The following DRC5 variants were observed in gnomAD, a reference collection of about 807,000 sequenced individuals.
DRC5 encodes the protein dynein regulatory complex subunit 5.
the DRC5 span, chr6:44,282,139 T>C: frequency 1.2e-6 from 2 of 1,614,064 alleles, no homozygotes; most frequent in African/African-American, 2.7e-5. Flanking sequence ...GACAGGTTGA[T>C]GCTGGTGAGT....
chr6:44,291,863 C>T, the DRC5 span, among the ~76,000 whole-genome samples: 3 of 152,280 alleles, frequency 2.0e-5, no homozygotes, highest in South Asian at 6.2e-4. Flanking sequence ...CATCCAGATG[C>T]CGGCACCAGA....
chr6:44,287,757 A>C, the DRC5 span: 4 of 1,614,000 alleles, frequency 2.5e-6, no homozygotes, highest in Admixed American at 5.0e-5. Flanking sequence ...CAGTGGAGGA[A>C]TTGTCCTGGG....
At chr6:44,286,720 T>C in the DRC5 span, among the ~76,000 whole-genome samples, 81 of 152,264 alleles carry the variant, frequency 5.3e-4, 1 homozygote, top group East Asian at 0.014. Flanking sequence ...CTTTGGGATG[T>C]TCCCTGCCTG....
At chr6:44,286,961 T>C in the DRC5 span, among the ~76,000 whole-genome samples, 3 of 152,326 alleles carry the variant, frequency 2.0e-5, no homozygotes, top group Admixed American at 6.5e-5. Flanking sequence ...GTGCTGGAGA[T>C]AGAAGAGTAA....
chr6:44,283,775 T>C, the DRC5 span, among the ~76,000 whole-genome samples: 1 of 152,260 alleles, frequency 6.6e-6, no homozygotes, highest in African/African-American at 2.4e-5. Context: ...TATATTTCTC[T>C]GGCCAAAATA....
chr6:44,287,114 G>A, the DRC5 span: 1 of 850,224 alleles, frequency 1.2e-6, no homozygotes, highest in South Asian at 5.4e-5. Flanking sequence ...CATCTGGTAG[G>A]AGAGGCTGGC....
At chr6:44,280,407 A>C in the DRC5 span, 2 of 1,596,872 alleles carry the variant, frequency 1.3e-6, no homozygotes, top group Admixed American at 3.4e-5. Context: ...GAAGGGTGCA[A>C]AGGAAGGGGT....
chr6:44,284,794 G>A, the DRC5 span, among the ~76,000 whole-genome samples: 7 of 152,216 alleles, frequency 4.6e-5, no homozygotes, highest in East Asian at 1.4e-3. Context: ...CACTACCCTC[G>A]CTGAAATGAC....
the DRC5 span, chr6:44,287,151 T>C: frequency 1.0e-6 from 1 of 976,214 alleles, no homozygotes. Context: ...GGATCAATAT[T>C]ACAGAGCACA....
the DRC5 span, chr6:44,285,866 A>G: frequency 8.5e-7 from 1 of 1,173,428 alleles, no homozygotes; most frequent in East Asian, 2.4e-5. Flanking sequence ...AAAGAGAAGG[A>G]AATAGGAAGA....
chr6:44,296,405 A>G, the DRC5 span, among the ~76,000 whole-genome samples: 50 of 152,202 alleles, frequency 3.3e-4, no homozygotes, highest in Non-Finnish European at 6.5e-4. Flanking sequence ...TGGAGGGTGC[A>G]AGGAGCCCAA....
the DRC5 span, among the ~76,000 whole-genome samples, chr6:44,295,799 G>A: frequency 6.6e-6 from 1 of 152,188 alleles, no homozygotes; most frequent in East Asian, 1.9e-4. Flanking sequence ...CACTATCTGT[G>A]CAACCTTGGG....
At chr6:44,281,425 C>T in the DRC5 span, among the ~76,000 whole-genome samples, 1 of 152,144 alleles carries the variant, frequency 6.6e-6, no homozygotes, top group African/African-American at 2.4e-5. Flanking sequence ...CGCACTGTCA[C>T]CCAGGCTGGA....
chr6:44,280,653 C>T, the DRC5 span, among the ~76,000 whole-genome samples: 24,969 of 152,236 alleles, frequency 0.16, 2,311 homozygotes, highest in East Asian at 0.41. Flanking sequence ...TTGGTTCAGC[C>T]ATGGGCATGT....
chr6:44,286,652 G>C, the DRC5 span: 1 of 844,472 alleles, frequency 1.2e-6, no homozygotes, highest in African/African-American at 1.7e-5. Context: ...CCTGCTTAGG[G>C]GATAGACAGC....
chr6:44,286,525 A>G, the DRC5 span: 3 of 1,610,720 alleles, frequency 1.9e-6, no homozygotes, highest in Non-Finnish European at 2.5e-6. Context: ...GCTTCAGGAT[A>G]GGGTTTTCTT....
the DRC5 span, chr6:44,287,416 T>C: frequency 1.2e-5 from 12 of 1,015,336 alleles, no homozygotes; most frequent in Non-Finnish European, 1.7e-5. Context: ...GTTGAGTGGG[T>C]ATGAGGATGC....
At chr6:44,284,505 C>T in the DRC5 span, among the ~76,000 whole-genome samples, 4 of 152,112 alleles carry the variant, frequency 2.6e-5, no homozygotes, top group Non-Finnish European at 5.9e-5. Context: ...ATCTGAGCTT[C>T]GGACCCTCTA....
the DRC5 span, chr6:44,288,002 T>C: frequency 2.7e-6 from 2 of 735,986 alleles, no homozygotes; most frequent in South Asian, 4.3e-5. Context: ...AGAATAGTGC[T>C]TAACGATCAG....
Sources: allele counts gnomAD v4.1 joint callset (sites outside exome capture counted in the v4.1 genomes callset), GRCh38; gene constraint gnomAD v4.1.1; transcripts MANE v1.5; gene names NCBI Gene and HGNC (gene_info 2026-07-23, HGNC 2026-07-21).